The following NXPE2 variants were observed in gnomAD, a reference collection of about 807,000 sequenced individuals.
NXPE2 encodes neurexophilin and PC-esterase domain family member 2, also known as NXPE family member 2.
A neutral mutation model predicts 34.4 loss-of-function variants in NXPE2; 34 were observed. The observed-to-expected ratio is 0.99, with a 90% CI of 0.75 to 1.31. NXPE2 has a LOEUF of 1.31. Ranked by LOEUF, NXPE2 falls within the 40% of genes most tolerant of loss-of-function variation. NXPE2 has a pLI of 0.00. For missense variants in NXPE2, 649 were observed against 672.5 expected (o/e 0.97, Z 0.39); for synonymous variants, 235 against 231.3 (o/e 1.02, Z -0.15).
At chr11:114,571,819 G>T in the NXPE2 span, among the ~76,000 whole-genome samples, 1 of 152,148 alleles carries the variant, frequency 6.6e-6, no homozygotes. Context: ...GAAGGAACAG[G>T]ATCACCACTG....
At chr11:114,735,078 C>G in the NXPE2 span, among the ~76,000 whole-genome samples, 3,537 of 152,216 alleles carry the variant, frequency 0.023, 141 homozygotes, top group African/African-American at 0.082. Flanking sequence ...CCACTGCACT[C>G]TAGCCTGGGC....
the NXPE2 span, among the ~76,000 whole-genome samples, chr11:114,607,597 C>A: frequency 6.6e-6 from 1 of 151,890 alleles, no homozygotes. Flanking sequence ...ATAAGTCATG[C>A]CTCGTGAGTA....
At chr11:114,530,116 G>T in the NXPE2 span, 1 of 1,502,928 alleles carries the variant, frequency 6.7e-7, no homozygotes, top group South Asian at 1.3e-5. Flanking sequence ...GGGCAATGTA[G>T]CTCTGACTGG....
At chr11:114,759,063 C>T in the NXPE2 span, among the ~76,000 whole-genome samples, 14 of 151,950 alleles carry the variant, frequency 9.2e-5, no homozygotes, top group African/African-American at 2.7e-4. Context: ...CACACACGTG[C>T]GCAAACACAC....
chr11:114,624,568 C>T, the NXPE2 span, among the ~76,000 whole-genome samples: 3 of 151,642 alleles, frequency 2.0e-5, no homozygotes, highest in South Asian at 2.1e-4. Context: ...AGTATTGCCC[C>T]GTGGGTAACC....
At chr11:114,667,301 T>C in the NXPE2 span, among the ~76,000 whole-genome samples, 1 of 152,188 alleles carries the variant, frequency 6.6e-6, no homozygotes, top group African/African-American at 2.4e-5. Context: ...TAAAAAATGT[T>C]TTTAATAAAC....
chr11:114,630,930 C>T, the NXPE2 span, among the ~76,000 whole-genome samples: 8 of 150,790 alleles, frequency 5.3e-5, no homozygotes, highest in East Asian at 1.5e-3. Context: ...AAAATGCTCA[C>T]CATCACTGGC....
At chr11:114,722,498 T>G in the NXPE2 span, among the ~76,000 whole-genome samples, 2 of 152,168 alleles carry the variant, frequency 1.3e-5, no homozygotes, top group Non-Finnish European at 2.9e-5. Context: ...TATTTACGTT[T>G]AATTTCCTTA....
the NXPE2 span, among the ~76,000 whole-genome samples, chr11:114,775,836 A>T: frequency 6.6e-6 from 1 of 152,000 alleles, no homozygotes; most frequent in Non-Finnish European, 1.5e-5. Context: ...GCTAAGAGGT[A>T]AAACTCCAGC....
At chr11:114,650,615 C>A in the NXPE2 span, among the ~76,000 whole-genome samples, 1 of 152,248 alleles carries the variant, frequency 6.6e-6, no homozygotes, top group South Asian at 2.1e-4. Flanking sequence ...AAGAATAAGA[C>A]CTCTATCCCT....
At chr11:114,668,882 G>A in the NXPE2 span, among the ~76,000 whole-genome samples, 1 of 151,926 alleles carries the variant, frequency 6.6e-6, no homozygotes, top group Non-Finnish European at 1.5e-5. Flanking sequence ...GCAACCAAAG[G>A]TATACAATAA....
rs376335149 is a variant in NXPE2, at chr11:114,706,795, A to T, written c.1545A>T (p.Arg515Ser). The change falls in exon 6 of 6, where the codon AGA becomes AGT. Residue 515 changes from arginine (R) to serine (S), a missense_variant. Arg to Ser is a moderately radical substitution (Grantham distance 110). Coordinates refer to ENST00000389586, the MANE Select transcript of NXPE2 (RefSeq NM_182495.6). ...FHGYIQNLII[R>S]DIFVDLNVGI... ...GCTATATTCAGAATCTTATCATAAG[A>T]GATATTTTTGTGGATCTTAATGTGG... 404 of 1,552,234 alleles carry T rather than the reference A, an allele frequency of 2.6e-4. No individual in the cohort carries two copies. The highest frequency in any genetic ancestry group is 3.4e-4 in the Non-Finnish European group (389 of 1,147,078).
At chr11:114,654,078 G>A in the NXPE2 span, among the ~76,000 whole-genome samples, 1 of 152,124 alleles carries the variant, frequency 6.6e-6, no homozygotes, top group Non-Finnish European at 1.5e-5. Flanking sequence ...AGTGGTGAAG[G>A]TATGTACAAA....
the NXPE2 span, among the ~76,000 whole-genome samples, chr11:114,805,051 T>G: frequency 6.6e-6 from 1 of 152,152 alleles, no homozygotes; most frequent in South Asian, 2.1e-4. Flanking sequence ...CTCTTGTAGC[T>G]GCTAAGGAGG....
chr11:114,523,004 G>A, the NXPE2 span: 2 of 1,613,742 alleles, frequency 1.2e-6, no homozygotes, highest in South Asian at 1.1e-5. Context: ...GTTGCAAAAT[G>A]TTGTTATCCA....
the NXPE2 span, among the ~76,000 whole-genome samples, chr11:114,601,310 C>A: frequency 2.0e-5 from 3 of 149,528 alleles, no homozygotes; most frequent in Admixed American, 2.1e-4. Flanking sequence ...GTACTCATAG[C>A]TTAAATCCCA....
chr11:114,720,874 T>G, the NXPE2 span, among the ~76,000 whole-genome samples: 1 of 152,146 alleles, frequency 6.6e-6, no homozygotes, highest in Non-Finnish European at 1.5e-5. Context: ...TCAGAGATGG[T>G]TTAGGAGGAT....
At chr11:114,625,722 G>T in the NXPE2 span, among the ~76,000 whole-genome samples, 7 of 152,162 alleles carry the variant, frequency 4.6e-5, no homozygotes, top group South Asian at 2.1e-4. Context: ...CAGCATGAGC[G>T]ACGCAGAAGG....
chr11:114,528,417 GT>G, the NXPE2 span, among the ~76,000 whole-genome samples: 2 of 152,134 alleles, frequency 1.3e-5, no homozygotes, highest in Non-Finnish European at 2.9e-5. Flanking sequence ...TGGGTGGCAG[GT>G]AGACCTTTTA....
Sources: allele counts gnomAD v4.1 joint callset (sites outside exome capture counted in the v4.1 genomes callset), GRCh38; gene constraint gnomAD v4.1.1; transcripts MANE v1.5; gene names NCBI Gene and HGNC (gene_info 2026-07-23, HGNC 2026-07-21).